Variants in UMODL1 observed in about 807,000 individuals in gnomAD.
The protein encoded by UMODL1 is uromodulin like 1, also known as uromodulin-like 1.
Under a neutral mutation model 136.3 loss-of-function variants are expected in UMODL1, and 128 were observed. The ratio of observed to expected loss-of-function variants is 0.94; its 90% CI spans 0.81 to 1.09. The LOEUF is 1.09. Among genes scored for constraint, UMODL1 ranks in the 50% least tolerant of loss-of-function variants. UMODL1 has a pLI of 0.00. For missense variants in UMODL1, 1,766 were observed against 1,725.6 expected (o/e 1.02, Z -0.41); for synonymous variants, 721 against 720.0 (o/e 1.00, Z -0.02).
intron 22 of UMODL1, among the ~76,000 whole-genome samples, chr21:42,138,893 A>T (rs540219716): frequency 6.6e-6 from 1 of 152,134 alleles, no homozygotes; most frequent in African/African-American, 2.4e-5. Flanking sequence ...AGATTTTTCT[A>T]AAAAAAGAAC....
chr21:42,136,120 C>A (rs73373676), intron 21 of UMODL1, among the ~76,000 whole-genome samples: 8,583 of 152,156 alleles, frequency 0.056, 796 homozygotes, highest in African/African-American at 0.19. Flanking sequence ...GGCAGAGGGT[C>A]ACATCTCCCC....
rs201267328 is a variant in UMODL1 at position 42,127,007 on chromosome 21, G to A, written c.3295G>A (p.Val1099Ile). ...TSSGFTLEWG[V>I]YTIIEDLHGA... The stretch of plus-strand genomic sequence containing the variant: ...CCTGCAAGCTGCTTCCTCTTGCAGG[G>A]TTTACACCATCATCGAGGACCTCCA... Residue 1099 changes from valine to isoleucine, a missense_variant and splice_region_variant, in exon 19 of 23, where the codon GTT becomes ATT. Physicochemically the swap from Val to Ile is conservative, Grantham distance 29. Transcript: ENST00000408910. 2.9e-5 allele frequency: 46 copies of A among 1,613,976 alleles called. No homozygotes were observed. The African/African-American group carries it at 5.3e-4, about 19-fold the overall frequency.
intron 6 of UMODL1, among the ~76,000 whole-genome samples, 159 bp from the exon 7 acceptor site, chr21:42,098,767 A>G (rs2066589019): frequency 6.6e-6 from 1 of 152,172 alleles, no homozygotes; most frequent in Non-Finnish European, 1.5e-5. Context: ...ACTCTGTCTC[A>G]AAACAAAAAA....
chr21:42,084,323 G>C, intron 3 of UMODL1, 78 bp downstream of exon 3: 1 of 1,490,158 alleles, frequency 6.7e-7, no homozygotes. Context: ...TGAAGGTGTG[G>C]GGGGGAGTGT....
intron 22 of UMODL1, among the ~76,000 whole-genome samples, chr21:42,138,388 C>T (rs1027576342): frequency 8.5e-5 from 13 of 152,118 alleles, no homozygotes; most frequent in East Asian, 1.9e-4. Context: ...TGCTCATGCC[C>T]GCAGCCCCGA....
rs146745368 is a variant in UMODL1, at chr21:42,123,535, G to A, written c.3147+385G>A. 5.9e-5 allele frequency among the ~76,000 whole-genome samples: 9 copies of A among 152,100 alleles called. No individual in the cohort carries two copies. The highest frequency in any genetic ancestry group is 2.0e-4 in the Admixed American group (3 of 15,282). On this transcript the variant is annotated intron_variant, in intron 17 of 22. Transcript: ENST00000408910. The surrounding 1 kb of genome is among the most constrained non-coding windows in gnomAD (Gnocchi z 4.4). ...TGTGTGCATGTGTCTGAATATGTCT[G>A]TGTATGTGGGGGTGTGCATGTGTGT...
chr21:42,093,903 G>T (rs990084845), intron 6 of UMODL1: 1 of 456,644 alleles, frequency 2.2e-6, no homozygotes, highest in Admixed American at 2.3e-5. Flanking sequence ...AGAACTTCGC[G>T]CCACGTCCAC....
rs767533297 is a variant in UMODL1, at chr21:42,085,682, G to A, written c.603+270G>A. ...TCATAGGCCCGCCTGTCGTGGTGGA[G>A]AACGCGGATCCCTAAGCTTGCAGGG... On this transcript the variant is annotated intron_variant, in intron 4 of 22. Coordinates refer to ENST00000408910, the MANE Select transcript of UMODL1 (RefSeq NM_001004416.3). This position sits in a 1 kb window ranked among gnomAD's most constrained non-coding sequence, Gnocchi z 4.5. Among the ~76,000 whole-genome samples the A allele has an allele frequency of 8.8e-4, 134 of 152,220 alleles. No individual in the cohort carries two copies. The highest frequency in any genetic ancestry group is 1.4e-3 in the Non-Finnish European group (96 of 68,042).
intron 5 of UMODL1, among the ~76,000 whole-genome samples, chr21:42,089,831 A>G (rs1206345543): frequency 6.6e-6 from 1 of 152,254 alleles, no homozygotes; most frequent in Non-Finnish European, 1.5e-5. Flanking sequence ...CTTAGACAGC[A>G]TTATGAAGAG....
intron 17 of UMODL1, among the ~76,000 whole-genome samples, chr21:42,125,746 T>A (rs1376044386): frequency 1.3e-5 from 2 of 152,040 alleles, no homozygotes; most frequent in Non-Finnish European, 2.9e-5. Context: ...CACAGCGGCA[T>A]CCTCAAGCCT....
At chr21:42,084,036 G>A (rs2066393887) in intron 2 of UMODL1, 48 bp from the exon 3 acceptor site, 2 of 1,597,858 alleles carry the variant, frequency 1.3e-6, no homozygotes, top group Non-Finnish European at 1.7e-6. Flanking sequence ...CAGCAAATCA[G>A]GTTTGTCTTT....
At chr21:42,134,472 G>A (rs1364477323) in intron 21 of UMODL1, among the ~76,000 whole-genome samples, 7 of 152,318 alleles carry the variant, frequency 4.6e-5, no homozygotes, top group Non-Finnish European at 5.9e-5. Context: ...TGTCCCAGCA[G>A]GAAGGGCCTG....
intron 1 of UMODL1, among the ~76,000 whole-genome samples, chr21:42,073,499 T>G (rs1241963343): frequency 1.3e-5 from 2 of 152,182 alleles, no homozygotes; most frequent in African/African-American, 4.8e-5. Context: ...GATTTGGGGT[T>G]CAGCCCCCAG....
intron 3 of UMODL1, 78 bp downstream of exon 3, chr21:42,084,323 G>T (rs1318009730): frequency 1.0e-4 from 156 of 1,490,040 alleles, no homozygotes; most frequent in Non-Finnish European, 1.4e-4. Context: ...TGAAGGTGTG[G>T]GGGGGAGTGT....
chr21:42,071,250 T>C (rs375703715), upstream of UMODL1: 1 of 1,414,828 alleles, frequency 7.1e-7, no homozygotes. Context: ...CTATGAGCCC[T>C]GGCGTAGCAG....
chr21:42,089,229 C>A (rs1292862218), intron 5 of UMODL1, among the ~76,000 whole-genome samples: 1 of 152,192 alleles, frequency 6.6e-6, no homozygotes, highest in African/African-American at 2.4e-5. Flanking sequence ...TCTGCTGCTC[C>A]CAGGGCTTTG....
intron 7 of UMODL1, chr21:42,101,940 C>T (rs112274184): frequency 0.036 from 15,813 of 433,932 alleles, 424 homozygotes; most frequent in Middle Eastern, 0.07. Context: ...CTGTGTGTGA[C>T]GTTTGTACCT....
Position 42,127,278 on chromosome 21 carries a change from A to G in UMODL1, c.3530+36A>G, listed in dbSNP as rs1223192798. On this transcript the variant is annotated intron_variant, in intron 19 of 22. Transcript: ENST00000408910. The stretch of plus-strand genomic sequence containing the variant: ...GGAGTGCAGGCACCCCCATCCAGCA[A>G]TGCCTGGGGCTTTATTAACAATAGG... 1.9e-6 allele frequency: 3 copies of G among 1,564,556 alleles called. No individual in the cohort carries two copies. The South Asian group carries it at 3.3e-5, about 17-fold the overall frequency.
chr21:42,108,236 G>T, intron 9 of UMODL1: 1 of 473,774 alleles, frequency 2.1e-6, no homozygotes, highest in South Asian at 1.5e-5. Flanking sequence ...GTCCTCCGTG[G>T]ACTGCAGCCC....
Sources: gnomAD v4.1 joint callset for allele counts (sites outside exome capture counted in the v4.1 genomes callset) on GRCh38, gnomAD v4.1.1 for gene constraint, Gnocchi (gnomAD v3.1) non-coding constraint, MANE v1.5 for transcripts, NCBI Gene and HGNC (gene_info 2026-07-23, HGNC 2026-07-21) for gene names.